The following OXSR1 variants were observed in gnomAD, a reference collection of about 807,000 sequenced individuals.
OXSR1 encodes serine/threonine-protein kinase OSR1.
Under a neutral mutation model 79.8 loss-of-function variants are expected in OXSR1, and 24 were observed. The ratio of observed to expected loss-of-function variants is 0.30; its 90% CI spans 0.22 to 0.42. The LOEUF is 0.42. Ranked by LOEUF, OXSR1 falls within the 10% of genes least tolerant of loss-of-function variation. The probability of loss-of-function intolerance (pLI) is 1.00; values close to 1 mark genes in which losing one functional copy is unlikely to be tolerated. For synonymous variants in OXSR1, 226 were observed against 209.2 expected, an observed-to-expected ratio of 1.08 and a Z score of -0.69; for missense variants, 430 against 618.4, an observed-to-expected ratio of 0.70 and a Z score of 3.23.
At chr3:38,243,073 C>T (rs1242865148) in intron 12 of OXSR1, among the ~76,000 whole-genome samples, 2 of 151,824 alleles carry the variant, frequency 1.3e-5, no homozygotes, top group East Asian at 3.9e-4. Context: ...TACTCTGTCA[C>T]CCATGCTGGA....
At chr3:38,193,554 A>G in intron 3 of OXSR1, 1 of 445,560 alleles carries the variant, frequency 2.2e-6, no homozygotes, top group Non-Finnish European at 4.1e-6. Context: ...TGTCTGCTTA[A>G]TTCTCTCGTC....
rs558828679 is a variant in OXSR1, at chr3:38,208,880, C to A, written c.435-7216C>A. ...TTGCGTCACTGCACTCCAGCCTGGG[C>A]GACAGAGCAAGACTCCATCTCAAAA... On this transcript the variant is annotated intron_variant, in intron 4 of 17. Coordinates refer to ENST00000311806, the MANE Select transcript of OXSR1 (RefSeq NM_005109.3). Among the ~76,000 whole-genome samples, 4 of 151,574 alleles carry A rather than the reference C, an allele frequency of 2.6e-5. No individual in the cohort carries two copies. In the East Asian group the frequency reaches 7.8e-4, roughly 29 times the overall value.
chr3:38,177,342 A>G (rs773598185), intron 1 of OXSR1, among the ~76,000 whole-genome samples: 2 of 152,216 alleles, frequency 1.3e-5, no homozygotes, highest in Non-Finnish European at 2.9e-5. Context: ...GAGGGAGGGA[A>G]CTTAATGGCA....
intron 4 of OXSR1, among the ~76,000 whole-genome samples, chr3:38,210,089 C>A (rs1408052920): frequency 1.3e-5 from 2 of 151,810 alleles, no homozygotes; most frequent in Non-Finnish European, 2.9e-5. Flanking sequence ...AAACAGTTCA[C>A]TCCACTCTGC....
chr3:38,203,374 A>G (rs757211372), intron 4 of OXSR1, among the ~76,000 whole-genome samples: 2 of 151,998 alleles, frequency 1.3e-5, no homozygotes, highest in Admixed American at 6.5e-5. Context: ...CCGTGTCTTG[A>G]TGGTAGTGGT....
At chr3:38,179,969 C>G (rs557102462) in intron 1 of OXSR1, among the ~76,000 whole-genome samples, 1 of 152,114 alleles carries the variant, frequency 6.6e-6, no homozygotes, top group South Asian at 2.1e-4. Context: ...CCCCCATGCC[C>G]GGCTAATTTT....
At chr3:38,168,649 C>G (rs1474219007) in intron 1 of OXSR1, among the ~76,000 whole-genome samples, 1 of 152,142 alleles carries the variant, frequency 6.6e-6, no homozygotes, top group Non-Finnish European at 1.5e-5. Context: ...CAGAAAGATG[C>G]CTCATGTCCA....
chr3:38,171,130 G>C lies in OXSR1; in HGVS notation c.70+5184G>C, dbSNP rs1701573383. ...AAAATCTGATGGATGTTCCACACCT[G>C]TCACGTCCTTCCAGTCTGCTCCTGA... On this transcript the variant is annotated intron_variant, in intron 1 of 17. Transcript: ENST00000311806. 2.0e-5 allele frequency among the ~76,000 whole-genome samples: 3 copies of C among 152,116 alleles called. No individual in the cohort carries two copies. The South Asian group carries it at 6.2e-4, about 31-fold the overall frequency.
intron 6 of OXSR1, 49 bp downstream of exon 6, chr3:38,221,736 A>C (rs1311311164): frequency 2.8e-6 from 3 of 1,074,972 alleles, no homozygotes; most frequent in Non-Finnish European, 4.2e-6. Flanking sequence ...TTTGTTTTGA[A>C]ACTGAAAAAA....
chr3:38,189,910 T>C (rs180683982), intron 2 of OXSR1, among the ~76,000 whole-genome samples: 5 of 152,292 alleles, frequency 3.3e-5, no homozygotes, highest in Admixed American at 6.5e-5. Context: ...CACAATGTAC[T>C]ATCCAGTATT....
intron 4 of OXSR1, among the ~76,000 whole-genome samples, chr3:38,200,950 A>G (rs1003212107): frequency 1.3e-5 from 2 of 152,206 alleles, no homozygotes; most frequent in Non-Finnish European, 2.9e-5. Context: ...TTTAATTTAC[A>G]TGTTTCGATA....
intron 2 of OXSR1, among the ~76,000 whole-genome samples, chr3:38,186,491 GCA>G (rs1205740920): frequency 6.6e-6 from 1 of 152,000 alleles, no homozygotes; most frequent in Non-Finnish European, 1.5e-5. Flanking sequence ...TCAGCCCTAG[GCA>G]ATCACTAATC....
intron 1 of OXSR1, among the ~76,000 whole-genome samples, chr3:38,181,878 A>T: frequency 7.1e-6 from 1 of 140,856 alleles, no homozygotes; most frequent in East Asian, 2.1e-4. Flanking sequence ...ATGTTAGGAG[A>T]CTTTTTTTGT....
At chr3:38,198,601 T>A in intron 3 of OXSR1, 121 bp from the exon 4 acceptor site, 1 of 653,710 alleles carries the variant, frequency 1.5e-6, no homozygotes, top group Non-Finnish European at 2.5e-6. Flanking sequence ...TATTTGCTGT[T>A]TTTTTCATTT....
chr3:38,244,905 T>C (rs1213069548), intron 12 of OXSR1, among the ~76,000 whole-genome samples: 1 of 152,168 alleles, frequency 6.6e-6, no homozygotes, highest in African/African-American at 2.4e-5. Flanking sequence ...CCATTTTACG[T>C]GCTCATCAAC....
intron 4 of OXSR1, among the ~76,000 whole-genome samples, chr3:38,208,913 A>T (rs1198642539): frequency 2.0e-5 from 3 of 152,194 alleles, no homozygotes; most frequent in African/African-American, 7.2e-5. Context: ...AAAAATAAAA[A>T]TAAAAATAAA....
Position 38,229,675 on chromosome 3 carries a change from T to C in OXSR1, c.837-12T>C. 6.2e-7 allele frequency: 1 copy of C among 1,608,446 alleles called. No individual in the cohort carries two copies. ...TTATAAAAACTTTTCTTCCCTCCCT[T>C]CCTGGTTTTAGACCAACAGCAGCAG... On this transcript the variant is annotated splice_polypyrimidine_tract_variant and intron_variant, in intron 8 of 17. Transcript: ENST00000311806.
chr3:38,211,533 G>A (rs1378819872), intron 4 of OXSR1, among the ~76,000 whole-genome samples: 1 of 152,150 alleles, frequency 6.6e-6, no homozygotes, highest in Admixed American at 6.5e-5. Context: ...GTTTTATAAA[G>A]ATAATTAAGA....
At chr3:38,240,716 A>C (rs1559526557) in intron 11 of OXSR1, among the ~76,000 whole-genome samples, 1 of 151,790 alleles carries the variant, frequency 6.6e-6, no homozygotes, top group South Asian at 2.1e-4. Flanking sequence ...AAAAAAAAAC[A>C]ACTCATAAGG....
Sources: gnomAD v4.1 joint callset for allele counts (sites outside exome capture counted in the v4.1 genomes callset) on GRCh38, gnomAD v4.1.1 for gene constraint, MANE v1.5 for transcripts, NCBI Gene and HGNC (gene_info 2026-07-23, HGNC 2026-07-21) for gene names.